The following ANKHD1 variants were observed in gnomAD, a reference collection of about 807,000 sequenced individuals.
ANKHD1 encodes the protein ankyrin repeat and KH domain containing 1.
ANKHD1 carries 31 observed loss-of-function variants against 230.5 expected under a neutral mutation model. The ratio of observed to expected loss-of-function variants is 0.13; its 90% CI spans 0.10 to 0.18. The LOEUF (loss-of-function observed/expected upper bound fraction) is 0.18, where lower values mean the gene tolerates loss of function less well. Ranked by LOEUF, ANKHD1 falls within the 10% of genes least tolerant of loss-of-function variation. The pLI, the probability that ANKHD1 is intolerant of heterozygous loss-of-function variation, is 1.00. For missense variants in ANKHD1, 2,256 were observed against 3,071.3 expected (o/e 0.73, Z 6.27); for synonymous variants, 1,074 against 1,117.6 (o/e 0.96, Z 0.78).
intron 3 of ANKHD1, among the ~76,000 whole-genome samples, chr5:140,439,159 CTAGT>C (rs1223604012): frequency 6.6e-6 from 1 of 152,076 alleles, no homozygotes; most frequent in Non-Finnish European, 1.5e-5. Context: ...ACTCGGTGGT[CTAGT>C]TAGTCATTCT....
chr5:140,500,727 C>T (rs1245685765), intron 15 of ANKHD1, among the ~76,000 whole-genome samples: 1 of 149,350 alleles, frequency 6.7e-6, no homozygotes, highest in Non-Finnish European at 1.5e-5. Flanking sequence ...AAGATTCAAA[C>T]TCAGTTCAGC....
rs369174349 is a variant in ANKHD1 at position 140,528,417 on chromosome 5, C to T, written c.5471C>T (p.Thr1824Met). Residue 1824 changes from threonine to methionine, a missense_variant, in exon 29 of 34, where the codon ACG becomes ATG. By Grantham distance (81) the Thr-to-Met change is moderately conservative (BLOSUM62 -1). Transcript: ENST00000360839. ...LVTSQATTLS[T>M]FQPANKLNKN... is the part of the protein sequence containing the mutation. ...ACTTCACAGGCAACAACGTTATCTA[C>T]GTTCCAGCCCGCTAATAAACTTAAT... 25 of 1,614,028 alleles carry T rather than the reference C, an allele frequency of 1.5e-5. No homozygotes were observed. The highest frequency in any genetic ancestry group is 7.7e-5 in the South Asian group (7 of 91,088).
chr5:140,401,912 A>C lies in ANKHD1; in HGVS notation c.-56A>C, dbSNP rs1259686185. 1 of 1,517,824 alleles carries C rather than the reference A, an allele frequency of 6.6e-7. No homozygotes were observed. Among genetic ancestry groups the C allele is most frequent in the Non-Finnish European group, 8.8e-7 (1 of 1,141,514 alleles). The allele number at this position is 1,517,824 out of a possible 1,614,324, so 94.0% of individuals were successfully genotyped here. A position where few individuals can be genotyped will look rare whatever the true frequency, so the allele number is the denominator to read the frequency against. ...TGCTGCTCTTCTCGTTCCCGAGATC[A>C]GCGGCGGCGGTGACCGCGAGTGGGT... On this transcript the variant is annotated 5_prime_UTR_variant, in exon 1 of 34. Transcript: ENST00000360839.
intron 1 of ANKHD1, among the ~76,000 whole-genome samples, chr5:140,415,910 T>C (rs992586792): frequency 2.0e-5 from 3 of 152,042 alleles, no homozygotes; most frequent in African/African-American, 7.2e-5. Flanking sequence ...GTACATTAGG[T>C]ATATTTCCTA....
At position 140,464,792 on chromosome 5, in the gene ANKHD1, T is replaced by G. The variant is rs1397934315; in HGVS notation, c.1782+16T>G. On this transcript the variant is annotated intron_variant, in intron 10 of 33. Transcript: ENST00000360839. ...GGCTGATTTAGTAAGATATTTTTAATTTCAAATATTTTTGCGTTAATGTTA... is the reference window on the plus strand; with the variant it reads ...GGCTGATTTAGTAAGATATTTTTAAGTTCAAATATTTTTGCGTTAATGTTA... 6.3e-7 allele frequency: 1 copy of G among 1,581,828 alleles called. No homozygotes were observed. Among genetic ancestry groups the G allele is most frequent in the African/African-American group, 1.4e-5 (1 of 73,886 alleles).
chr5:140,425,433 G>GT (rs934285147), intron 1 of ANKHD1, among the ~76,000 whole-genome samples: 5 of 152,098 alleles, frequency 3.3e-5, no homozygotes, highest in African/African-American at 9.6e-5. Context: ...GCTAATTTTT[G>GT]TTTTTTGTAG....
chr5:140,513,379 G>A lies in ANKHD1; in HGVS notation c.4217G>A (p.Cys1406Tyr). 1 of 1,609,692 alleles carries A rather than the reference G, an allele frequency of 6.2e-7. No individual in the cohort carries two copies. The highest frequency in any genetic ancestry group is 8.5e-7 in the Non-Finnish European group (1 of 1,178,248). The change falls in exon 24 of 34, where the codon TGT becomes TAT. Residue 1406 changes from cysteine to tyrosine, a missense_variant. Cys to Tyr is a radical substitution (Grantham distance 194, BLOSUM62 -2). Transcript: ENST00000360839. Reference protein sequence around the residue: ...TITDKELLKKCHQCVETIVKA... With the variant: ...TITDKELLKKYHQCVETIVKA... ...CTGCTGTAGGAACTGTTGAAAAAATGTCATCAATGTGTCGAAACCATTGTG... is the reference window on the plus strand; with the variant it reads ...CTGCTGTAGGAACTGTTGAAAAAATATCATCAATGTGTCGAAACCATTGTG...
intron 10 of ANKHD1, among the ~76,000 whole-genome samples, chr5:140,472,735 G>A (rs1776575261): frequency 6.6e-6 from 1 of 151,906 alleles, no homozygotes; most frequent in Non-Finnish European, 1.5e-5. Context: ...TTAGCAAAAC[G>A]TTTACTATAT....
At chr5:140,477,758 C>A (rs1023535061) in intron 10 of ANKHD1, among the ~76,000 whole-genome samples, 1 of 151,994 alleles carries the variant, frequency 6.6e-6, no homozygotes, top group African/African-American at 2.4e-5. Context: ...ATTACAGGCA[C>A]CTGCCTCCGC....
intron 10 of ANKHD1, among the ~76,000 whole-genome samples, chr5:140,472,730 A>C (rs1776574696): frequency 6.6e-6 from 1 of 152,140 alleles, no homozygotes; most frequent in South Asian, 2.1e-4. Context: ...TTAGTTTAGC[A>C]AAACGTTTAC....
intron 1 of ANKHD1, among the ~76,000 whole-genome samples, chr5:140,435,354 T>C (rs1040923929): frequency 6.6e-6 from 1 of 152,090 alleles, no homozygotes; most frequent in African/African-American, 2.4e-5. Context: ...GTTATGTTCA[T>C]GTACTTGTTT....
intron 1 of ANKHD1, among the ~76,000 whole-genome samples, chr5:140,418,608 G>A (rs955658854): frequency 2.0e-5 from 3 of 152,114 alleles, no homozygotes; most frequent in Non-Finnish European, 2.9e-5. Context: ...CTGTCTGTAT[G>A]TATTTGCCTA....
At chr5:140,435,750 G>A (rs928945200) in intron 1 of ANKHD1, among the ~76,000 whole-genome samples, 19 of 152,012 alleles carry the variant, frequency 1.2e-4, no homozygotes, top group Admixed American at 3.3e-4. Context: ...GCCCAGGCTG[G>A]TGTCAAACTC....
intron 10 of ANKHD1, among the ~76,000 whole-genome samples, chr5:140,478,475 G>A (rs1166638084): frequency 6.6e-6 from 1 of 150,968 alleles, no homozygotes; most frequent in Non-Finnish European, 1.5e-5. Flanking sequence ...TGAATGCTCA[G>A]GTGAAATGAA....
chr5:140,537,944 A>C, intron 31 of ANKHD1, 142 bp from the exon 32 acceptor site: 1 of 1,339,680 alleles, frequency 7.5e-7, no homozygotes, highest in East Asian at 2.6e-5. Context: ...TTTTTTGGCT[A>C]GCAAGACTGT....
chr5:140,477,947 C>T (rs1751058166), intron 10 of ANKHD1, among the ~76,000 whole-genome samples: 1 of 152,050 alleles, frequency 6.6e-6, no homozygotes, highest in African/African-American at 2.4e-5. Context: ...GGTTAAGAGG[C>T]AATACAGTAA....
chr5:140,530,495 G>T (rs946078553), intron 29 of ANKHD1, among the ~76,000 whole-genome samples: 1 of 152,168 alleles, frequency 6.6e-6, no homozygotes, highest in Non-Finnish European at 1.5e-5. Flanking sequence ...GATTACAGGT[G>T]TGAGCCACCG....
chr5:140,415,155 G>A (rs780716520), intron 1 of ANKHD1, among the ~76,000 whole-genome samples: 3 of 151,952 alleles, frequency 2.0e-5, no homozygotes, highest in South Asian at 2.1e-4. Context: ...GGGCCGAGGC[G>A]GGCCGATCAC....
At chr5:140,525,821 G>A (rs941692156) in intron 25 of ANKHD1, among the ~76,000 whole-genome samples, 175 bp from the exon 26 acceptor site, 1 of 147,846 alleles carries the variant, frequency 6.8e-6, no homozygotes, top group Admixed American at 6.7e-5. Context: ...AGGCGACAGA[G>A]CAAGACTCCA....
Sources: gnomAD v4.1 joint callset for allele counts (sites outside exome capture counted in the v4.1 genomes callset) on GRCh38, gnomAD v4.1.1 for gene constraint, MANE v1.5 for transcripts, NCBI Gene and HGNC (gene_info 2026-07-23, HGNC 2026-07-21) for gene names.